Variants in RINT1 observed in about 807,000 individuals in gnomAD.
RINT1 encodes RAD50 interactor 1.
A neutral mutation model predicts 97.7 loss-of-function variants in RINT1; 75 were observed. That is an observed-to-expected ratio of 0.77 (90% CI 0.64 to 0.93). RINT1 has a LOEUF of 0.93. Among genes scored for constraint, RINT1 ranks in the 40% least tolerant of loss-of-function variants. The pLI is 0.00. For synonymous variants in RINT1, 303 were observed against 326.3 expected (o/e 0.93, Z 0.77); for missense variants, 892 against 925.2 (o/e 0.96, Z 0.47).
chr7:105,542,645 C>G lies in RINT1; in HGVS notation c.511C>G (p.Leu171Val). The G allele has an allele frequency of 6.2e-7, 1 of 1,612,830 alleles. No individual in the cohort carries two copies. The highest frequency in any genetic ancestry group is 8.5e-7 in the Non-Finnish European group (1 of 1,179,400). The change falls in exon 4 of 15, where the codon CTA (leucine) becomes GTA (valine). Residue 171 changes from leucine (L) to valine (V), a missense_variant. Physicochemically the swap from Leu to Val is conservative, Grantham distance 32. Transcript: ENST00000257700. ...TAAATGGATTTCACAAATTGAAGAACTAAGGTAAAATGGGCCTCTTTGTTC... is the reference window on the plus strand; with the variant it reads ...TAAATGGATTTCACAAATTGAAGAAGTAAGGTAAAATGGGCCTCTTTGTTC... ...YLKWISQIEE[L>V]SDNIQQYLMT...
chr7:105,559,699 G>A (rs1447655892), intron 11 of RINT1, among the ~76,000 whole-genome samples: 3 of 152,184 alleles, frequency 2.0e-5, no homozygotes, highest in Non-Finnish European at 4.4e-5. Flanking sequence ...CAGCCTGGAT[G>A]ACAAGAGCAA....
At chr7:105,559,620 C>T (rs967998044) in intron 11 of RINT1, among the ~76,000 whole-genome samples, 19 of 150,036 alleles carry the variant, frequency 1.3e-4, no homozygotes, top group African/African-American at 4.7e-4. Flanking sequence ...ACTCAGGAGG[C>T]TGAGGCAGGA....
chr7:105,539,487 A>G (rs942819621), intron 3 of RINT1, among the ~76,000 whole-genome samples: 3 of 151,846 alleles, frequency 2.0e-5, no homozygotes, highest in East Asian at 1.9e-4. Context: ...CAGGCTCCCA[A>G]GTAGCTGGGA....
rs1378660877 is a variant in RINT1 at position 105,567,163 on chromosome 7, C to T, written c.2231C>T (p.Ala744Val). The change falls in exon 15 of 15, where the codon GCA becomes GTA. Residue 744 changes from alanine (A) to valine (V), a missense_variant. Coordinates refer to ENST00000257700, the MANE Select transcript of RINT1 (RefSeq NM_021930.6). Reference protein sequence around the residue: ...CIVLNLNVGSALLLKDVLQSA... With the variant: ...CIVLNLNVGSVLLLKDVLQSA... ...GTTTTGAATTTGAACGTCGGTTCTG[C>T]ACTACTGCTGAAAGATGTACTGCAG... The T allele has an allele frequency of 6.2e-7, 1 of 1,602,096 alleles. No individual in the cohort carries two copies. The highest frequency in any genetic ancestry group is 8.5e-7 in the Non-Finnish European group (1 of 1,176,734).
At chr7:105,547,750 G>A (rs887094749) in intron 6 of RINT1, among the ~76,000 whole-genome samples, 81 of 114,854 alleles carry the variant, frequency 7.1e-4, no homozygotes, top group African/African-American at 1.8e-3. Context: ...ATGGAGTTTC[G>A]CTCTTGTTGC....
At chr7:105,560,043 G>A (rs1263163951) in intron 11 of RINT1, among the ~76,000 whole-genome samples, 2 of 152,164 alleles carry the variant, frequency 1.3e-5, no homozygotes, top group African/African-American at 4.8e-5. Context: ...GTGAGATATG[G>A]GAGGTGAGGA....
Position 105,547,086 on chromosome 7 carries a change from A to G in RINT1, c.689+3A>G, listed in dbSNP as rs546327710. ...ATTCTCAAGGACAAGCTTACAAGGT[A>G]GGGAATTTACCCATATTTTGTGGTA... On this transcript the variant is annotated splice_donor_region_variant and intron_variant, in intron 5 of 14. Transcript: ENST00000257700. The G allele has an allele frequency of 1.2e-6, 2 of 1,613,692 alleles. No homozygotes were observed. The highest frequency in any genetic ancestry group is 2.2e-5 in the East Asian group (1 of 44,882).
In RINT1 at chr7:105,567,168, C is replaced by CT; in HGVS notation, c.2237dup (p.Leu747AlafsTer20). 1 of 1,604,582 alleles carries CT rather than the reference C, an allele frequency of 6.2e-7. No homozygotes were observed. The highest frequency in any genetic ancestry group is 8.5e-7 in the Non-Finnish European group (1 of 1,177,566). On this transcript the variant is annotated frameshift_variant, in exon 15 of 15. Coordinates refer to ENST00000257700, the MANE Select transcript of RINT1 (RefSeq NM_021930.6). LOFTEE classifies it high-confidence loss of function. ...GAATTTGAACGTCGGTTCTGCACTA[C>CT]TGCTGAAAGATGTACTGCAGTCAGC...
intron 10 of RINT1, 133 bp from the exon 11 acceptor site, chr7:105,554,895 G>T: frequency 1.5e-6 from 1 of 676,598 alleles, no homozygotes; most frequent in East Asian, 2.7e-5. Flanking sequence ...AGAGAGCTCA[G>T]AAATAAATCC....
In RINT1 at chr7:105,532,357, G is replaced by A. The variant is rs528759477; in HGVS notation, c.42G>A (p.Pro14=). 1 of 1,601,340 alleles carries A rather than the reference G, an allele frequency of 6.2e-7. No homozygotes were observed. Among genetic ancestry groups the A allele is most frequent in the Admixed American group, 1.7e-5 (1 of 58,724 alleles). ...AGEIGASPAA[P]CCSESGDERK... ...AGATCGGCGCCTCTCCTGCAGCCCC[G>A]GTGAGACGGCCCTGGCGTCCCTGGG... Residue 14 remains proline (P), a splice_region_variant and synonymous_variant, in exon 1 of 15, where the codon CCG becomes CCA. Coordinates refer to ENST00000257700, the MANE Select transcript of RINT1 (RefSeq NM_021930.6).
chr7:105,548,760 G>A (rs1790795685), intron 7 of RINT1, 50 bp downstream of exon 7: 1 of 1,516,788 alleles, frequency 6.6e-7, no homozygotes, highest in African/African-American at 1.4e-5. Flanking sequence ...ACAAATGTTA[G>A]AGTTTCTATA....
At position 105,567,221 on chromosome 7, in the gene RINT1, A is replaced by T. The variant is rs750282703; in HGVS notation, c.2289A>T (p.Ala763=). ...SASGQLPATA[A]LNEVGIYKLA... ...CAGGGCAGCTTCCTGCCACAGCAGC[A>T]TTAAATGAAGTTGGAATTTACAAAC... The change falls in exon 15 of 15, where the codon GCA becomes GCT. Residue 763 remains alanine (A), a synonymous_variant. Transcript: ENST00000257700. 3 of 1,613,514 alleles carry T rather than the reference A, an allele frequency of 1.9e-6. No individual in the cohort carries two copies. The highest frequency in any genetic ancestry group is 1.7e-5 in the Admixed American group (1 of 59,866).
At chr7:105,556,088 CAG>C (rs1484008057) in intron 11 of RINT1, among the ~76,000 whole-genome samples, 1 of 147,298 alleles carries the variant, frequency 6.8e-6, no homozygotes, top group Non-Finnish European at 1.5e-5. Context: ...TTTTTTGTGA[CAG>C]AGTTTCGCTC....
chr7:105,535,667 C>T (rs1790203229), intron 2 of RINT1: 2 of 429,848 alleles, frequency 4.7e-6, no homozygotes, highest in South Asian at 1.7e-5. Context: ...GCAATCCTCC[C>T]ACCTCAGCCC....
intron 3 of RINT1, among the ~76,000 whole-genome samples, chr7:105,538,329 T>C (rs1269926835): frequency 6.6e-6 from 1 of 152,146 alleles, no homozygotes; most frequent in South Asian, 2.1e-4. Context: ...CTAAATTAGG[T>C]TAAGTAAATT....
intron 4 of RINT1, among the ~76,000 whole-genome samples, chr7:105,544,121 A>G (rs954559948): frequency 2.0e-5 from 3 of 151,820 alleles, no homozygotes; most frequent in Non-Finnish European, 4.4e-5. Context: ...CAAAAAAAAC[A>G]AAAAAACTTT....
At chr7:105,565,720 G>A (rs982354006) in intron 14 of RINT1, 72 bp downstream of exon 14, 31 of 1,004,692 alleles carry the variant, frequency 3.1e-5, no homozygotes, top group Non-Finnish European at 4.4e-5. Context: ...TTTAACTTTA[G>A]GGTTCTGGAG....
chr7:105,537,827 A>G (rs552581276), intron 3 of RINT1, among the ~76,000 whole-genome samples: 1 of 151,382 alleles, frequency 6.6e-6, no homozygotes, highest in South Asian at 2.1e-4. Flanking sequence ...CAAAAGTGAC[A>G]CTCCGTCTCA....
intron 3 of RINT1, among the ~76,000 whole-genome samples, chr7:105,539,153 C>T (rs75081653): frequency 6.6e-6 from 1 of 152,222 alleles, no homozygotes; most frequent in East Asian, 1.9e-4. Flanking sequence ...ACCTTAAATT[C>T]AGCATGTCCA....
Sources: allele counts gnomAD v4.1 joint callset (sites outside exome capture counted in the v4.1 genomes callset), GRCh38; gene constraint gnomAD v4.1.1; transcripts MANE v1.5; gene names NCBI Gene and HGNC (gene_info 2026-07-23, HGNC 2026-07-21).